The following MTAP variants were observed in gnomAD, a reference collection of about 807,000 sequenced individuals.
The protein encoded by MTAP is methylthioadenosine phosphorylase.
Under a neutral mutation model 33.6 loss-of-function variants are expected in MTAP, and 33 were observed. That is an observed-to-expected ratio of 0.98 (90% CI 0.74 to 1.31). The LOEUF is 1.31. MTAP is among the 40% of genes most tolerant of loss of function. The pLI is 0.00. For synonymous variants in MTAP, 148 were observed against 125.7 expected, an observed-to-expected ratio of 1.18 and a Z score of -1.19; for missense variants, 367 against 360.0, an observed-to-expected ratio of 1.02 and a Z score of -0.16.
At chr9:21,806,042 G>C (rs1177439906) in intron 1 of MTAP, among the ~76,000 whole-genome samples, 2 of 152,188 alleles carry the variant, frequency 1.3e-5, no homozygotes, top group Non-Finnish European at 2.9e-5. Context: ...CATCCTTGTA[G>C]ACCGCGATCA....
In MTAP at chr9:21,922,220, C is replaced by T. The variant is rs1818798538; in HGVS notation, c.148-8788C>T. On this transcript the variant is annotated intron_variant, in intron 1 of 1. Coordinates refer to the MTAP transcript ENST00000577563. This position sits in a 1 kb window ranked among gnomAD's most constrained non-coding sequence, Gnocchi z 4.8. ...GAAAAACGCCTCAAGTGAGCATGCA[C>T]ACAACTTCAGTAAATACACTGTGCA... Among the ~76,000 whole-genome samples, 2 of 151,876 alleles carry T rather than the reference C, an allele frequency of 1.3e-5. No homozygotes were observed. The highest frequency in any genetic ancestry group is 4.2e-4 in the South Asian group (2 of 4,770).
At chr9:21,911,485 C>T (rs1404438286) in intron 1 of MTAP, among the ~76,000 whole-genome samples, 2 of 152,202 alleles carry the variant, frequency 1.3e-5, no homozygotes, top group Admixed American at 1.3e-4. Context: ...TCACACAAAA[C>T]CGCTCAACTA....
intron 4 of MTAP, among the ~76,000 whole-genome samples, chr9:21,826,137 A>T (rs1277209662): frequency 6.6e-6 from 1 of 151,802 alleles, no homozygotes; most frequent in East Asian, 1.9e-4. Context: ...CAAAAGAATA[A>T]TAATCAGGGA....
chr9:21,888,134 G>T (rs377746983), intron 1 of MTAP, among the ~76,000 whole-genome samples: 27 of 152,196 alleles, frequency 1.8e-4, no homozygotes, highest in African/African-American at 6.5e-4. Context: ...TGCTTTTGAG[G>T]ATTCCTTTTG....
At chr9:21,856,118 C>A in intron 6 of MTAP, 1 of 980,390 alleles carries the variant, frequency 1.0e-6, no homozygotes, top group Non-Finnish European at 1.2e-6. Context: ...TAAACTAGAT[C>A]GTTCGTCCTG....
chr9:21,931,767 A>C (rs1452165854), downstream of MTAP: 1 of 152,208 alleles, frequency 6.6e-6, no homozygotes, highest in Non-Finnish European at 1.5e-5. Flanking sequence ...GCCCTCTTCT[A>C]AGTGTACTTT....
At chr9:21,805,992 G>C (rs542145753) in intron 1 of MTAP, among the ~76,000 whole-genome samples, 1 of 152,168 alleles carries the variant, frequency 6.6e-6, no homozygotes, top group Non-Finnish European at 1.5e-5. Context: ...TGGAAATCAC[G>C]GATGCACAGT....
In MTAP at chr9:21,922,650, T is replaced by A. The variant is rs1027438156; in HGVS notation, c.148-8358T>A. 1.3e-5 allele frequency among the ~76,000 whole-genome samples: 2 copies of A among 152,152 alleles called. No individual in the cohort carries two copies. The highest frequency in any genetic ancestry group is 4.8e-5 in the African/African-American group (2 of 41,440). On this transcript the variant is annotated intron_variant, in intron 1 of 1. Transcript: ENST00000577563. This position sits in a 1 kb window ranked among gnomAD's most constrained non-coding sequence, Gnocchi z 4.8. Reference sequence around the variant, plus strand: ...CAGTGGTAAGAAATCTCTATGCCTCTCCTTCTTTGGCTGGAGAAGAAGGAG... The same window carrying A: ...CAGTGGTAAGAAATCTCTATGCCTCACCTTCTTTGGCTGGAGAAGAAGGAG...
intron 4 of MTAP, among the ~76,000 whole-genome samples, chr9:21,819,487 T>C (rs1304006141): frequency 6.6e-6 from 1 of 152,240 alleles, no homozygotes; most frequent in African/African-American, 2.4e-5. Flanking sequence ...TTTTTATGGC[T>C]GCGTAGTATT....
chr9:21,930,714 G>A (rs1344492802), intron 1 of MTAP: 2 of 626,466 alleles, frequency 3.2e-6, no homozygotes, highest in Non-Finnish European at 5.7e-6. Flanking sequence ...TCAAGGACTA[G>A]ATATGTTAAT....
At chr9:21,828,338 T>C (rs543422227) in intron 4 of MTAP, among the ~76,000 whole-genome samples, 2 of 152,278 alleles carry the variant, frequency 1.3e-5, no homozygotes, top group African/African-American at 2.4e-5. Flanking sequence ...GGTCCACTAG[T>C]TGACACTACT....
At chr9:21,808,605 A>AC (rs1051685378) in intron 1 of MTAP, among the ~76,000 whole-genome samples, 10 of 146,944 alleles carry the variant, frequency 6.8e-5, no homozygotes, top group African/African-American at 1.5e-4. Flanking sequence ...AAAAAAAAAA[A>AC]ACACACACAC....
intron 4 of MTAP, among the ~76,000 whole-genome samples, chr9:21,832,373 G>A (rs982342057): frequency 3.3e-5 from 5 of 152,158 alleles, no homozygotes; most frequent in Admixed American, 2.6e-4. Flanking sequence ...ACTAGAAAGC[G>A]TTTTATGGTA....
downstream of MTAP, among the ~76,000 whole-genome samples, chr9:21,868,132 T>C (rs1411790869): frequency 2.6e-5 from 4 of 152,218 alleles, no homozygotes; most frequent in Non-Finnish European, 5.9e-5. Context: ...TTAAACTGTC[T>C]ACTTCATACC....
In MTAP at chr9:21,914,236, A is replaced by G. The variant is rs1198525096; in HGVS notation, c.148-16772A>G. Among the ~76,000 whole-genome samples the G allele has an allele frequency of 2.0e-5, 3 of 152,208 alleles. No homozygotes were observed. The East Asian group carries it at 5.8e-4, about 29-fold the overall frequency. ...AAGACAGTGTGGCGATTCCTCAAGG[A>G]TCTAGAACTAGAAATATCATTTGAC... On this transcript the variant is annotated intron_variant, in intron 1 of 1. Transcript: ENST00000577563.
intron 1 of MTAP, among the ~76,000 whole-genome samples, chr9:21,889,622 G>A (rs1252828797): frequency 1.3e-5 from 2 of 152,092 alleles, no homozygotes; most frequent in African/African-American, 2.4e-5. Flanking sequence ...CCCTAGGGAT[G>A]GGGCTTCCTG....
intron 1 of MTAP, among the ~76,000 whole-genome samples, chr9:21,902,385 G>C (rs1818407044): frequency 6.6e-6 from 1 of 152,178 alleles, no homozygotes. Context: ...GGAAAAGTAA[G>C]CATCTGGTAT....
chr9:21,847,832 C>G (rs1009386893), intron 5 of MTAP, among the ~76,000 whole-genome samples: 1 of 152,222 alleles, frequency 6.6e-6, no homozygotes, highest in Non-Finnish European at 1.5e-5. Context: ...CAGACACAAG[C>G]TCTTATCATG....
Position 21,859,296 on chromosome 9 carries a change from T to C in MTAP, c.691-7T>C. ...TCTAGTAACCTCCAGTGCTATTGTT[T>C]CTCTAGGTTTCGGTGGACCGGGTCT... On this transcript the variant is annotated splice_region_variant and splice_polypyrimidine_tract_variant and intron_variant, in intron 6 of 7. Transcript: ENST00000644715. 2 of 1,603,344 alleles carry C rather than the reference T, an allele frequency of 1.2e-6. No individual in the cohort carries two copies. The highest frequency in any genetic ancestry group is 2.7e-5 in the African/African-American group (2 of 74,000).
Sources: allele counts gnomAD v4.1 joint callset (sites outside exome capture counted in the v4.1 genomes callset), GRCh38; gene constraint gnomAD v4.1.1; non-coding constraint Gnocchi (gnomAD v3.1); transcripts MANE v1.5; gene names NCBI Gene and HGNC (gene_info 2026-07-23, HGNC 2026-07-21).